Variants in RP1 observed in about 807,000 individuals in gnomAD.
RP1 encodes oxygen-regulated protein 1.
RP1 carries 16 observed loss-of-function variants against 14.8 expected under a neutral mutation model. The ratio of observed to expected loss-of-function variants is 1.08; its 90% CI spans 0.73 to 1.65. The LOEUF (loss-of-function observed/expected upper bound fraction) is 1.65, where lower values mean the gene tolerates loss of function less well. Ranked by LOEUF, RP1 falls within the 40% of genes most tolerant of loss-of-function variation. The pLI is 0.00. For missense variants in RP1, 2,631 were observed against 2,535.0 expected (o/e 1.04, Z -0.81); for synonymous variants, 876 against 883.6 (o/e 0.99, Z 0.15).
chr8:54,604,650 A>T (rs868657310), intron 1 of RP1, among the ~76,000 whole-genome samples: 3 of 152,248 alleles, frequency 2.0e-5, no homozygotes, highest in African/African-American at 7.2e-5. Context: ...AGAATTCGGC[A>T]GTCAATCCAT....
intron 24 of RP1, among the ~76,000 whole-genome samples, chr8:54,830,940 A>T (rs1214176706): frequency 6.6e-6 from 1 of 152,142 alleles, no homozygotes; most frequent in Non-Finnish European, 1.5e-5. Context: ...TTTTATATCA[A>T]TGGGTTCATT....
intron 12 of RP1, chr8:54,696,520 G>C (rs1272975254): frequency 6.1e-6 from 5 of 819,348 alleles, no homozygotes; most frequent in Non-Finnish European, 1.0e-5. Flanking sequence ...AGAAGGAGCA[G>C]AGGAAAGGAA....
chr8:54,584,557 G>C (rs1390689356), intron 1 of RP1, among the ~76,000 whole-genome samples: 1 of 152,156 alleles, frequency 6.6e-6, no homozygotes, highest in Non-Finnish European at 1.5e-5. Flanking sequence ...GGATATCCTT[G>C]TTAACTTTCT....
intron 7 of RP1, among the ~76,000 whole-genome samples, chr8:54,670,766 C>T (rs536143524): frequency 2.7e-4 from 39 of 142,530 alleles, no homozygotes; most frequent in Middle Eastern, 7.9e-3. Context: ...TTTTTTGTCT[C>T]GTGACAGTTT....
At chr8:54,799,433 T>G (rs1810649628) in intron 24 of RP1, among the ~76,000 whole-genome samples, 1 of 152,050 alleles carries the variant, frequency 6.6e-6, no homozygotes, top group Admixed American at 6.5e-5. Flanking sequence ...TTGCTTATTA[T>G]CCTACCTGGC....
intron 24 of RP1, among the ~76,000 whole-genome samples, chr8:54,793,302 G>A (rs768063318): frequency 7.2e-5 from 11 of 151,766 alleles, no homozygotes; most frequent in Non-Finnish European, 1.3e-4. Flanking sequence ...AATCTAAAGT[G>A]GAGGGAATAC....
chr8:54,759,193 T>C, intron 22 of RP1: 1 of 1,074,520 alleles, frequency 9.3e-7, no homozygotes, highest in Non-Finnish European at 1.3e-6. Context: ...AGGTCACGGA[T>C]TTGTTTCATT....
chr8:54,621,443 C>T lies in RP1; in HGVS notation c.477C>T (p.Phe159=). 6.2e-7 allele frequency: 1 copy of T among 1,613,880 alleles called. No individual in the cohort carries two copies. ...GCCCCCCACGGAGCCTAGTGGTCTT[C>T]AGGAATGGCGACCCGAAGACGAGGC... ...MPRPPRSLVV[F]RNGDPKTRRA... The change falls in exon 2 of 4, where the codon TTC becomes TTT. Residue 159 remains phenylalanine, a synonymous_variant. Transcript: ENST00000220676.
rs369811965 is a variant in RP1 at position 54,628,855 on chromosome 8, C to T, written c.4973C>T (p.Pro1658Leu). 3 of 1,613,928 alleles carry T rather than the reference C, an allele frequency of 1.9e-6. No homozygotes were observed. The highest frequency in any genetic ancestry group is 2.7e-5 in the African/African-American group (2 of 74,904). The change falls in exon 4 of 4, where the codon CCT becomes CTT. Residue 1658 changes from proline to leucine, a missense_variant. Pro to Leu is a moderately conservative substitution (Grantham distance 98). Coordinates refer to ENST00000220676, the MANE Select transcript of RP1 (RefSeq NM_006269.2). ...PGSTRKSQVC[P>L]YNSVEFQCSR... ...TCTACCCGCAAATCTCAGGTTTGTC[C>T]TTATAATTCTGTGGAATTTCAGTGT...
chr8:54,749,145 A>G (rs1161089431), intron 19 of RP1, among the ~76,000 whole-genome samples: 1 of 152,160 alleles, frequency 6.6e-6, no homozygotes, highest in Non-Finnish European at 1.5e-5. Context: ...CCTGGCTAAC[A>G]TGGTGAAACC....
At chr8:54,863,782 A>C (rs1812402213) in intron 27 of RP1, among the ~76,000 whole-genome samples, 1 of 152,236 alleles carries the variant, frequency 6.6e-6, no homozygotes, top group African/African-American at 2.4e-5. Flanking sequence ...CTGCAATTGC[A>C]TAAGTACAAA....
intron 1 of RP1, among the ~76,000 whole-genome samples, chr8:54,605,004 GA>G (rs1399944768): frequency 1.3e-5 from 2 of 151,930 alleles, no homozygotes; most frequent in Non-Finnish European, 2.9e-5. Context: ...TGGATTCATT[GA>G]TTTTTTGAAG....
chr8:54,700,759 G>A (rs575834139), intron 13 of RP1, among the ~76,000 whole-genome samples: 24 of 152,258 alleles, frequency 1.6e-4, no homozygotes, highest in African/African-American at 5.3e-4. Flanking sequence ...TTGTTTCACA[G>A]AAGATTTCAT....
chr8:54,609,166 G>C (rs1013739861), intron 1 of RP1, among the ~76,000 whole-genome samples: 3 of 152,166 alleles, frequency 2.0e-5, no homozygotes, highest in African/African-American at 7.2e-5. Flanking sequence ...GGAAAGAACA[G>C]TCTCCTGGCC....
rs528453299 is a variant in RP1, at chr8:54,638,975, T to C, written c.788-10010T>C. ...AAAATCTCCCCAATTTTAAGTGTTA[T>C]GATTTGATGGGTTTTGACAAATATA... On this transcript the variant is annotated intron_variant, in intron 3 of 22. Transcript: ENST00000636932. 7.9e-5 allele frequency among the ~76,000 whole-genome samples: 12 copies of C among 152,254 alleles called. No individual in the cohort carries two copies. The South Asian group carries it at 1.0e-3, about 13-fold the overall frequency.
At chr8:54,580,330 C>T (rs1331111869) in intron 1 of RP1, among the ~76,000 whole-genome samples, 2 of 101,894 alleles carry the variant, frequency 2.0e-5, no homozygotes, top group African/African-American at 7.7e-5. Context: ...TTTTTTGAGA[C>T]AGAGTCTCAC....
rs755052184 is a variant in RP1, at chr8:54,658,550, CAAA to C, written c.1171+2354_1171+2356del. ...TGGGCGACAGAGCGAGACTCCGTCT[CAAA>C]AAAAAAAAAAAAAAAAAAGACTGCG... is the stretch of plus-strand genomic sequence containing the variant. On this transcript the variant is annotated intron_variant, in intron 6 of 22. Transcript: ENST00000636932. Among the ~76,000 whole-genome samples the C allele has an allele frequency of 3.5e-3, 283 of 81,798 alleles. 1 individual carries two copies. Among genetic ancestry groups the C allele is most frequent in the Non-Finnish European group, 4.9e-3 (226 of 46,300 alleles). The allele number at this position is 81,798 out of a possible 152,430, so 53.7% of individuals were successfully genotyped here.
chr8:54,670,527 A>G lies in RP1; in HGVS notation c.1324-3323A>G, dbSNP rs13250323. On this transcript the variant is annotated intron_variant, in intron 7 of 22. Transcript: ENST00000636932. ...TATACACATATATATGTATGTGTATATATATACATATATATGTATGTATAT... is the reference window on the plus strand; with the variant it reads ...TATACACATATATATGTATGTGTATGTATATACATATATATGTATGTATAT... Among the ~76,000 whole-genome samples the G allele has an allele frequency of 3.1e-3, 310 of 100,596 alleles. 17 individuals carry two copies. The highest frequency in any genetic ancestry group is 5.9e-3 in the East Asian group (22 of 3,726). 66.0% of individuals were successfully genotyped at this position (100,596 alleles called of 152,430 possible). A position where few individuals can be genotyped will look rare whatever the true frequency, so the allele number is the denominator to read the frequency against.
chr8:54,740,876 C>G (rs1181268960), intron 19 of RP1, among the ~76,000 whole-genome samples: 7 of 151,554 alleles, frequency 4.6e-5, no homozygotes, highest in Non-Finnish European at 8.8e-5. Context: ...GAAACCCCAT[C>G]TCTACTAAAA....
Sources: allele counts gnomAD v4.1 joint callset (sites outside exome capture counted in the v4.1 genomes callset), GRCh38; gene constraint gnomAD v4.1.1; transcripts MANE v1.5; gene names NCBI Gene and HGNC (gene_info 2026-07-23, HGNC 2026-07-21).